The following PTPRN2 variants were observed in gnomAD, a reference collection of about 807,000 sequenced individuals.
PTPRN2 encodes the protein protein tyrosine phosphatase receptor type N2.
In PTPRN2, 74 loss-of-function variants were observed where a neutral mutation model predicts 118.8. The observed-to-expected ratio is 0.62, with a 90% CI of 0.52 to 0.76. The LOEUF (loss-of-function observed/expected upper bound fraction) is 0.76. Ranked by LOEUF, PTPRN2 falls within the 30% of genes least tolerant of loss-of-function variation. The pLI, the probability that PTPRN2 is intolerant of heterozygous loss-of-function variation, is 0.00. For synonymous variants in PTPRN2, 641 were observed against 608.0 expected, an observed-to-expected ratio of 1.05 and a Z score of -0.80; for missense variants, 1,481 against 1,394.4, an observed-to-expected ratio of 1.06 and a Z score of -0.99.
rs181670436 is a variant in PTPRN2, at chr7:158,294,698, C to T, written c.277+22121G>A. ...GGAGAGTGAGAGGCAGGAAAGACAT[C>T]CAGCCACAAGGAGACCTGGGAGCAC... is the stretch of plus-strand genomic sequence containing the variant. On this transcript the variant is annotated intron_variant, in intron 3 of 22. Coordinates refer to ENST00000389418, the MANE Select transcript of PTPRN2 (RefSeq NM_002847.5). 9.7e-4 allele frequency among the ~76,000 whole-genome samples: 147 copies of T among 152,280 alleles called. 1 individual carries two copies. The highest frequency in any genetic ancestry group is 3.4e-3 in the African/African-American group (142 of 41,572).
intron 3 of PTPRN2, among the ~76,000 whole-genome samples, chr7:158,287,146 C>A (rs1799820725): frequency 6.6e-6 from 1 of 152,140 alleles, no homozygotes; most frequent in Non-Finnish European, 1.5e-5. Flanking sequence ...TGTTCATAGT[C>A]TCATGGTCCC....
At chr7:158,255,200 CCAA>C (rs2150906179) in intron 3 of PTPRN2, among the ~76,000 whole-genome samples, 1 of 152,302 alleles carries the variant, frequency 6.6e-6, no homozygotes, top group East Asian at 1.9e-4. Context: ...AATGATCTAC[CCAA>C]CAAGATCACC....
intron 12 of PTPRN2, among the ~76,000 whole-genome samples, chr7:157,710,555 G>A (rs1262843173): frequency 5.6e-5 from 8 of 141,716 alleles, no homozygotes; most frequent in Admixed American, 7.6e-5. Flanking sequence ...CGCTGCAGAA[G>A]AACCCTGTGC....
chr7:157,871,878 C>A (rs972566392), intron 12 of PTPRN2, among the ~76,000 whole-genome samples: 12 of 151,822 alleles, frequency 7.9e-5, no homozygotes, highest in Non-Finnish European at 1.6e-4. Flanking sequence ...TGTGGCCACG[C>A]ATACCCAGCA....
At position 158,401,265 on chromosome 7, in the gene PTPRN2, C is replaced by T. The variant is rs117416355; in HGVS notation, c.164-84333G>A. Among the ~76,000 whole-genome samples the T allele has an allele frequency of 6.0e-3, 907 of 152,350 alleles. 4 individuals carry two copies. The highest frequency in any genetic ancestry group is 0.01 in the Non-Finnish European group (693 of 68,046). Reference sequence around the variant, plus strand: ...GGCTGTGTGTATGGAGGCTCCATCCCCTCGTTTGTTATTTTTACTGGGCTT... The same window carrying T: ...GGCTGTGTGTATGGAGGCTCCATCCTCTCGTTTGTTATTTTTACTGGGCTT... On this transcript the variant is annotated intron_variant, in intron 2 of 22. Transcript: ENST00000389418.
At chr7:157,735,479 A>C (rs1422826188) in intron 12 of PTPRN2, among the ~76,000 whole-genome samples, 2 of 152,206 alleles carry the variant, frequency 1.3e-5, no homozygotes, top group African/African-American at 4.8e-5. Flanking sequence ...CGGCCCAGGA[A>C]GGTGGAGGGC....
Position 158,133,941 on chromosome 7 carries a change from G to C in PTPRN2, c.1292C>G (p.Pro431Arg). 1 of 1,614,048 alleles carries C rather than the reference G, an allele frequency of 6.2e-7. No individual in the cohort carries two copies. The highest frequency in any genetic ancestry group is 8.5e-7 in the Non-Finnish European group (1 of 1,180,044). ...CTCTTCTGAAGACAGGGAAGACTCA[G>C]GGTGCTCGGACTTCTTCCTCTCCAT... ...LDMERKKSEH[P>R]ESSLSSEEET... The change falls in exon 9 of 23, where the codon CCT becomes CGT. Residue 431 changes from proline (P) to arginine (R), a missense_variant. By Grantham distance (103) the Pro-to-Arg change is moderately radical (BLOSUM62 -2). Around this residue, in one of 3 missense-constraint regions of PTPRN2, gnomAD observed 1,115 missense variants for 994.2 expected, o/e 1.12. Transcript: ENST00000389418.
chr7:158,125,855 A>G (rs1261022544), intron 9 of PTPRN2, among the ~76,000 whole-genome samples: 1 of 152,150 alleles, frequency 6.6e-6, no homozygotes, highest in African/African-American at 2.4e-5. Flanking sequence ...AGGAAGGACG[A>G]GCAGGAAGCA....
Position 158,128,433 on chromosome 7 carries a change from C to T in PTPRN2, c.1556+5244G>A, listed in dbSNP as rs1038502241. On this transcript the variant is annotated intron_variant, in intron 9 of 22. Coordinates refer to ENST00000389418, the MANE Select transcript of PTPRN2 (RefSeq NM_002847.5). ...GATGATTTTTTTTTTCTTTAACCCA[C>T]TGCTCATAGGAGGTAAATATTCCAG... Among the ~76,000 whole-genome samples, 3 of 152,098 alleles carry T rather than the reference C, an allele frequency of 2.0e-5. No individual in the cohort carries two copies. The East Asian group carries it at 5.8e-4, about 29-fold the overall frequency.
Position 158,120,459 on chromosome 7 carries a change from C to T in PTPRN2, c.1557-9544G>A, listed in dbSNP as rs114033999. The stretch of plus-strand genomic sequence containing the variant: ...CCAAGGCAGTGTACCAGCCTTCGTC[C>T]AATCTCTATTTCAGCAGAACACTCC... On this transcript the variant is annotated intron_variant, in intron 9 of 22. Transcript: ENST00000389418. Among the ~76,000 whole-genome samples, 254 of 152,266 alleles carry T rather than the reference C, an allele frequency of 1.7e-3. 1 individual carries two copies. Among genetic ancestry groups the T allele is most frequent in the African/African-American group, 5.8e-3 (240 of 41,546 alleles).
rs548372630 is a variant in PTPRN2 at position 157,837,613 on chromosome 7, C to T, written c.1788+61060G>A. On this transcript the variant is annotated intron_variant, in intron 12 of 22. Coordinates refer to ENST00000389418, the MANE Select transcript of PTPRN2 (RefSeq NM_002847.5). Reference sequence around the variant, plus strand: ...CTCTGCTGGGTCATGCCCTCTTGCTCTGTGCCTGAGTCCTTCGCACTCCTG... The same window carrying T: ...CTCTGCTGGGTCATGCCCTCTTGCTTTGTGCCTGAGTCCTTCGCACTCCTG... Among the ~76,000 whole-genome samples the T allele has an allele frequency of 3.1e-3, 471 of 152,236 alleles. 3 individuals are homozygous for T. The highest frequency in any genetic ancestry group is 0.014 in the Middle Eastern group (4 of 294).
intron 13 of PTPRN2, among the ~76,000 whole-genome samples, chr7:157,675,950 G>A (rs572843167): frequency 6.6e-6 from 1 of 151,922 alleles, no homozygotes; most frequent in East Asian, 2.0e-4. Context: ...GGCAAGAGGG[G>A]AATAAGATAA....
chr7:158,235,915 C>T (rs1585927642), intron 3 of PTPRN2, among the ~76,000 whole-genome samples: 1 of 149,692 alleles, frequency 6.7e-6, no homozygotes, highest in East Asian at 2.0e-4. Context: ...TTTCTACACT[C>T]GGCACCTCCA....
At chr7:158,270,471 GCCTCACTCACTGGCCATAACGTGCC>G (rs1281034571) in intron 3 of PTPRN2, among the ~76,000 whole-genome samples, 1 of 152,126 alleles carries the variant, frequency 6.6e-6, no homozygotes, top group Non-Finnish European at 1.5e-5. Flanking sequence ...AGACAGATGA[GCCTCACTCACTGGCCATAACGTGCC>G]CCCGACCCCC....
At chr7:158,566,706 TTTTTG>T (rs199539485) in intron 1 of PTPRN2, among the ~76,000 whole-genome samples, 12 of 152,058 alleles carry the variant, frequency 7.9e-5, no homozygotes, top group African/African-American at 9.7e-5. Flanking sequence ...AGTGGGGTTT[TTTTTG>T]TTTTGTTTTG....
chr7:157,984,269 C>CCCATCCCACGCCAGGCTCCACCCCA (rs1554507036), intron 11 of PTPRN2, among the ~76,000 whole-genome samples: 1 of 24,408 alleles, frequency 4.1e-5, no homozygotes. Flanking sequence ...CAGGCTCCAC[C>CCCATCCCACGCCAGGCTCCACCCCA]CCCCACGCCA....
rs571998330 is a variant in PTPRN2, at chr7:158,195,048, G to A, written c.381-2553C>T. ...TCTATCGGTGGATGCAGTTGCCTTC[G>A]CGTGTTCTCTCATTGGTTTCCATCT... On this transcript the variant is annotated intron_variant, in intron 4 of 22. Transcript: ENST00000389418. Among the ~76,000 whole-genome samples the A allele has an allele frequency of 4.5e-4, 68 of 152,246 alleles. 1 individual carries two copies. The highest frequency in any genetic ancestry group is 3.5e-3 in the South Asian group (17 of 4,828).
rs1392281476 is a variant in PTPRN2 at position 157,563,052 on chromosome 7, A to G, written c.2902+5850T>C. 1.1e-4 allele frequency among the ~76,000 whole-genome samples: 12 copies of G among 109,698 alleles called. 1 individual carries two copies. Among genetic ancestry groups the G allele is most frequent in the Admixed American group, 3.7e-4 (4 of 10,760 alleles). The allele number at this position is 109,698 out of a possible 152,430, so 72.0% of individuals were successfully genotyped here. A position where few individuals can be genotyped will look rare whatever the true frequency, so the allele number is the denominator to read the frequency against. On this transcript the variant is annotated intron_variant, in intron 21 of 22. Transcript: ENST00000389418. ...GCAGATCAGGACCACATGCTCCCGCATCACCACACACCACAGATCAGGACC... is the reference window on the plus strand; with the variant it reads ...GCAGATCAGGACCACATGCTCCCGCGTCACCACACACCACAGATCAGGACC...
chr7:158,337,005 A>T (rs1484056108), intron 2 of PTPRN2, among the ~76,000 whole-genome samples: 1 of 101,102 alleles, frequency 9.9e-6, no homozygotes, highest in African/African-American at 3.5e-5. Context: ...TCACACCCAC[A>T]CTCTCACCAT....
Sources: allele counts gnomAD v4.1 joint callset (sites outside exome capture counted in the v4.1 genomes callset), GRCh38; gene constraint gnomAD v4.1.1; regional missense constraint gnomAD v4.1.1; transcripts MANE v1.5; gene names NCBI Gene and HGNC (gene_info 2026-07-23, HGNC 2026-07-21).